The following MYL4 variants were observed in gnomAD, a reference collection of about 807,000 sequenced individuals.
MYL4 encodes atrial myosin light chain 1.
In MYL4, 16 loss-of-function variants were observed where a neutral mutation model predicts 21.6. That is an observed-to-expected ratio of 0.74 (90% CI 0.50 to 1.12). The LOEUF (loss-of-function observed/expected upper bound fraction) is 1.12. Ranked by LOEUF, MYL4 falls within the 50% of genes most tolerant of loss-of-function variation. The pLI is 0.00. For missense variants in MYL4, 249 were observed against 252.9 expected (o/e 0.98, Z 0.11); for synonymous variants, 82 against 95.7 (o/e 0.86, Z 0.83).
chr17:47,195,824 A>C (rs935092795), upstream of MYL4, among the ~76,000 whole-genome samples: 1 of 151,798 alleles, frequency 6.6e-6, no homozygotes, highest in Admixed American at 6.6e-5. Flanking sequence ...ACTTGTCATT[A>C]CTCCCATCAC....
intron 2 of MYL4, among the ~76,000 whole-genome samples, chr17:47,215,008 C>T (rs938620398): frequency 1.6e-4 from 24 of 152,114 alleles, no homozygotes; most frequent in Non-Finnish European, 2.5e-4. Flanking sequence ...AGCTTTCTTT[C>T]GCCTGTGGCC....
chr17:47,210,093 A>G (rs1009812600), intron 1 of MYL4, among the ~76,000 whole-genome samples: 3 of 152,136 alleles, frequency 2.0e-5, no homozygotes, highest in African/African-American at 7.2e-5. Context: ...GGTTGTGGTT[A>G]AGGTAAGAGG....
chr17:47,223,111 A>G, intron 6 of MYL4, 54 bp downstream of exon 6: 10 of 1,577,076 alleles, frequency 6.3e-6, no homozygotes, highest in South Asian at 1.1e-5. Context: ...GGGCCTTAAG[A>G]ATAACACCAT....
chr17:47,207,968 C>T (rs2064739971), upstream of MYL4, among the ~76,000 whole-genome samples: 4 of 152,194 alleles, frequency 2.6e-5, no homozygotes, highest in Admixed American at 6.5e-5. Flanking sequence ...TCCCCGACAA[C>T]TGGATTATCA....
upstream of MYL4, among the ~76,000 whole-genome samples, chr17:47,196,811 T>C (rs1421442505): frequency 6.6e-6 from 1 of 152,190 alleles, no homozygotes. Flanking sequence ...GGCAGGGACC[T>C]TGGTTTGAAC....
At chr17:47,223,194 G>A in intron 6 of MYL4, 137 bp downstream of exon 6, 1 of 829,168 alleles carries the variant, frequency 1.2e-6, no homozygotes, top group Non-Finnish European at 1.9e-6. Flanking sequence ...AGTGAGGACA[G>A]CCCTGCTCAC....
upstream of MYL4, among the ~76,000 whole-genome samples, chr17:47,196,564 T>C (rs2064689727): frequency 6.6e-6 from 1 of 152,206 alleles, no homozygotes; most frequent in Non-Finnish European, 1.5e-5. Flanking sequence ...AAAGTGGAAG[T>C]CTTTCTACAT....
chr17:47,225,246 G>A (rs966275262), downstream of MYL4, among the ~76,000 whole-genome samples: 1 of 152,190 alleles, frequency 6.6e-6, no homozygotes, highest in African/African-American at 2.4e-5. Flanking sequence ...ACAAGGCCAA[G>A]GTCTATATAC....
the MYL4 span, among the ~76,000 whole-genome samples, chr17:47,192,072 T>C: frequency 2.0e-5 from 3 of 151,612 alleles, no homozygotes; most frequent in East Asian, 2.0e-4. Flanking sequence ...GAGCATTTCC[T>C]GGCTGGGTGA....
At chr17:47,201,214 ACTGTGGT>A (rs1251886620) in intron 1 of MYL4, among the ~76,000 whole-genome samples, 4 of 152,192 alleles carry the variant, frequency 2.6e-5, no homozygotes, top group Non-Finnish European at 5.9e-5. Context: ...AGCTAGTTTT[ACTGTGGT>A]CCTTGAACTT....
Position 47,219,933 on chromosome 17 carries a change from C to T in MYL4, c.193C>T (p.Arg65Trp), listed in dbSNP as rs767289051. 5 of 1,614,208 alleles carry T rather than the reference C, an allele frequency of 3.1e-6. No homozygotes were observed. The East Asian group carries it at 8.9e-5, about 29-fold the overall frequency. Residue 65 changes from arginine to tryptophan, a missense_variant, in exon 3 of 7, where the codon CGG (arginine) becomes TGG (tryptophan). Transcript: ENST00000393450. The part of the protein sequence containing the change: ...EFKEAFSLFD[R>W]TPTGEMKITY... ...CAAAGAGGCCTTTTCATTGTTTGAC[C>T]GGACCCCGACTGGAGAGATGAAGAT...
At chr17:47,195,229 ATT>A in the MYL4 span, among the ~76,000 whole-genome samples, 12,544 of 116,758 alleles carry the variant, frequency 0.11, 1,022 homozygotes, top group East Asian at 0.48. Context: ...CAGTGGGCTA[ATT>A]TTTTTTTTTT....
chr17:47,204,052 G>A (rs2064718606), upstream of MYL4, among the ~76,000 whole-genome samples: 1 of 152,194 alleles, frequency 6.6e-6, no homozygotes, highest in African/African-American at 2.4e-5. Flanking sequence ...AAGTTGGGTT[G>A]CCCCCTTACC....
chr17:47,205,217 A>C (rs1393624406), upstream of MYL4, among the ~76,000 whole-genome samples: 1 of 152,156 alleles, frequency 6.6e-6, no homozygotes, highest in Admixed American at 6.5e-5. Flanking sequence ...CCCTCATGGG[A>C]GCATTTGGGT....
rs1015825792 is a variant in MYL4, at chr17:47,221,927, G to A, written c.487+72G>A. The stretch of plus-strand genomic sequence containing the variant: ...GGTGGGAGGTGCCAAGGTGACATAT[G>A]CTGGTTGGGTGGGGGGTGGTATACA... On this transcript the variant is annotated intron_variant, in intron 4 of 6. Transcript: ENST00000393450. The A allele has an allele frequency of 5.9e-6, 9 of 1,532,710 alleles. No homozygotes were observed. In the African/African-American group the frequency reaches 9.6e-5, roughly 16 times the overall value. The allele number at this position is 1,532,710 out of a possible 1,614,324, so 94.9% of individuals were successfully genotyped here. A position where few individuals can be genotyped will look rare whatever the true frequency, so the allele number is the denominator to read the frequency against.
chr17:47,206,506 T>A (rs1440462613), upstream of MYL4, among the ~76,000 whole-genome samples: 2 of 152,100 alleles, frequency 1.3e-5, no homozygotes, highest in Non-Finnish European at 2.9e-5. Flanking sequence ...TTTAAAAAAA[T>A]TTTAAGCCAT....
intron 1 of MYL4, among the ~76,000 whole-genome samples, chr17:47,212,090 T>C (rs1015032937): frequency 1.2e-4 from 18 of 151,982 alleles, no homozygotes; most frequent in Non-Finnish European, 4.4e-5. Flanking sequence ...CTGGGCGTTA[T>C]GGCGGGTGCC....
rs562342164 is a variant in MYL4 at position 47,215,610 on chromosome 17, G to C, written c.163+1784G>C. Among the ~76,000 whole-genome samples, 47 of 152,238 alleles carry C rather than the reference G, an allele frequency of 3.1e-4. No individual in the cohort carries two copies. The South Asian group carries it at 7.0e-3, about 23-fold the overall frequency. ...TTATTGGCCATGAGACTTCGGACAA[G>C]TCACTTCTTTAAATCTTAATTTTCT... On this transcript the variant is annotated intron_variant, in intron 2 of 6. Transcript: ENST00000393450.
upstream of MYL4, chr17:47,209,337 C>G: frequency 6.3e-7 from 1 of 1,584,112 alleles, no homozygotes; most frequent in Admixed American, 1.7e-5. Flanking sequence ...AGGGAGGCAG[C>G]CCAGGCTCCT....
Sources: allele counts gnomAD v4.1 joint callset (sites outside exome capture counted in the v4.1 genomes callset), GRCh38; gene constraint gnomAD v4.1.1; transcripts MANE v1.5; gene names NCBI Gene and HGNC (gene_info 2026-07-23, HGNC 2026-07-21).